The following RAET1E variants were observed in gnomAD, a reference collection of about 807,000 sequenced individuals.
RAET1E encodes the protein retinoic acid early transcript 1E.
RAET1E carries 27 observed loss-of-function variants against 21.1 expected under a neutral mutation model. That is an observed-to-expected ratio of 1.28 (90% confidence interval 0.94 to 1.76). The LOEUF is 1.76. Among genes scored for constraint, RAET1E ranks in the 40% most tolerant of loss-of-function variants. The pLI is 0.00. For synonymous variants in RAET1E, 113 were observed against 115.0 expected, an observed-to-expected ratio of 0.98 and a Z score of 0.11; for missense variants, 310 against 311.3, an observed-to-expected ratio of 1.00 and a Z score of 0.03.
chr6:149,890,287 G>A (rs1777829610), intron 3 of RAET1E, 142 bp from the exon 4 acceptor site: 1 of 817,962 alleles, frequency 1.2e-6, no homozygotes, highest in Non-Finnish European at 1.9e-6. Flanking sequence ...CAACCTTCTG[G>A]ATCCCTGTTC....
chr6:149,892,400 C>G (rs887212645), intron 2 of RAET1E, among the ~76,000 whole-genome samples: 4 of 152,258 alleles, frequency 2.6e-5, no homozygotes, highest in Non-Finnish European at 5.9e-5. Context: ...GAACGTCATT[C>G]TAACTGGCGT....
At position 149,885,104 on chromosome 6, in the gene RAET1E, T is replaced by A. The variant is rs1777551056; in HGVS notation, c.*3394A>T. 3.3e-5 allele frequency among the ~76,000 whole-genome samples: 5 copies of A among 152,164 alleles called. No individual in the cohort carries two copies. The South Asian group carries it at 1.0e-3, about 32-fold the overall frequency. The stretch of plus-strand genomic sequence containing the variant: ...AGACCCCTCAACCTTTGGCATGTGA[T>A]ATACTTTCCCATGGTCAGATGGTCA... On this transcript the variant is annotated 3_prime_UTR_variant, in exon 6 of 6. Transcript: ENST00000357183.
intron 3 of RAET1E, 71 bp downstream of exon 3, chr6:149,890,746 C>T: frequency 1.9e-6 from 2 of 1,025,734 alleles, no homozygotes; most frequent in Non-Finnish European, 3.1e-6. Context: ...TGCATGAAGC[C>T]CCATTCGCCT....
rs3036672 is a variant in RAET1E at position 149,888,669 on chromosome 6, T to TAAAAAAAAA, written c.623-11_623-3dup. The stretch of plus-strand genomic sequence containing the variant: ...TATCTGAAGCATTTACTGGTGACAC[T>TAAAAAAAAA]AAAAAAAAAAAAAAAAAGAAAAAAA... On this transcript the variant is annotated splice_polypyrimidine_tract_variant and splice_region_variant and intron_variant, in intron 5 of 5. Coordinates refer to ENST00000357183, the MANE Select transcript of RAET1E (RefSeq NM_001394057.1). The TAAAAAAAAA allele has an allele frequency of 6.4e-4, 854 of 1,337,756 alleles. 5 individuals carry two copies. Among genetic ancestry groups the TAAAAAAAAA allele is most frequent in the Admixed American group, 3.3e-3 (88 of 26,768 alleles). The allele number at this position is 1,337,756 out of a possible 1,614,324, so 82.9% of individuals were successfully genotyped here.
intron 2 of RAET1E, among the ~76,000 whole-genome samples, chr6:149,892,506 C>A (rs1490580618): frequency 6.6e-6 from 1 of 152,194 alleles, no homozygotes; most frequent in Non-Finnish European, 1.5e-5. Context: ...TAAATATCTT[C>A]TTTGGAGAAG....
chr6:149,897,280 C>G (rs1778152053), intron 1 of RAET1E, among the ~76,000 whole-genome samples: 1 of 152,138 alleles, frequency 6.6e-6, no homozygotes, highest in East Asian at 1.9e-4. Flanking sequence ...AACAATCCTC[C>G]CCCCTCAGCC....
Position 149,890,130 on chromosome 6 carries a change from CAA to C in RAET1E, c.99_100del (p.Cys34LeufsTer17). The C allele has an allele frequency of 1.2e-6, 2 of 1,614,108 alleles. No homozygotes were observed. The highest frequency in any genetic ancestry group is 1.7e-6 in the Non-Finnish European group (2 of 1,179,988). On this transcript the variant is annotated frameshift_variant, in exon 4 of 6. Coordinates refer to ENST00000357183, the MANE Select transcript of RAET1E (RefSeq NM_001394057.1). LOFTEE classifies it high-confidence loss of function. ...CAATGATTTTATAGTGAAGTTGAAG[CAA>C]AGAGAGTGACCACCTGTGAGACAAA...
intron 1 of RAET1E, among the ~76,000 whole-genome samples, chr6:149,896,738 A>G (rs934229539): frequency 1.3e-5 from 2 of 151,628 alleles, no homozygotes; most frequent in Non-Finnish European, 2.9e-5. Context: ...CAGGGCCAAT[A>G]TTTTCTACAA....
rs1777685707 is a variant in RAET1E at position 149,888,070 on chromosome 6, T to G, written c.*428A>C. The G allele has an allele frequency of 2.3e-6, 1 of 427,270 alleles. No homozygotes were observed. Among genetic ancestry groups the G allele is most frequent in the Non-Finnish European group, 4.6e-6 (1 of 215,216 alleles). 26.5% of individuals were successfully genotyped at this position (427,270 alleles called of 1,614,324 possible). ...TGTAGGATGTAGTTCGGCACTGTAA[T>G]GTTTAGAGGGTGGTGAAAGGATTTC... On this transcript the variant is annotated 3_prime_UTR_variant, in exon 6 of 6. Transcript: ENST00000357183.
At chr6:149,896,776 C>T (rs1017547557) in intron 1 of RAET1E, among the ~76,000 whole-genome samples, 1 of 151,990 alleles carries the variant, frequency 6.6e-6, no homozygotes, top group African/African-American at 2.4e-5. Flanking sequence ...AAGGAGCACA[C>T]CAGGCCTATA....
intron 2 of RAET1E, among the ~76,000 whole-genome samples, chr6:149,894,671 C>T (rs571609643): frequency 1.3e-5 from 2 of 152,030 alleles, no homozygotes; most frequent in East Asian, 1.9e-4. Context: ...ATTAGCAATT[C>T]GACTAACCTT....
Position 149,889,353 on chromosome 6 carries a change from G to C in RAET1E, c.617C>G (p.Pro206Arg). Reference sequence around the variant, plus strand: ...CTCCCACCCAGCTCAGTTACCTGTCGGTTCTGGCATTGCCTCCCAGTGCCC... The same window carrying C: ...CTCCCACCCAGCTCAGTTACCTGTCCGTTCTGGCATTGCCTCCCAGTGCCC... ...FLGHWEAMPEPTVSPVNASDI... is the reference protein window; with the variant it reads ...FLGHWEAMPERTVSPVNASDI... The change falls in exon 5 of 6, where the codon CCG (proline) becomes CGG (arginine). Residue 206 changes from proline (P) to arginine (R), a missense_variant. Transcript: ENST00000357183. The C allele has an allele frequency of 6.2e-7, 1 of 1,613,980 alleles. No homozygotes were observed. Among genetic ancestry groups the C allele is most frequent in the South Asian group, 1.1e-5 (1 of 91,072 alleles).
chr6:149,890,053 G>A lies in RAET1E; in HGVS notation c.178C>T (p.Leu60Phe). The A allele has an allele frequency of 6.2e-7, 1 of 1,614,134 alleles. No individual in the cohort carries two copies. Among genetic ancestry groups the A allele is most frequent in the East Asian group, 2.2e-5 (1 of 44,874 alleles). The change falls in exon 4 of 6, where the codon CTT becomes TTT. Residue 60 changes from leucine (L) to phenylalanine (F), a missense_variant. By Grantham distance (22) the Leu-to-Phe change is conservative. Transcript: ENST00000357183. ...CEAQVFLNKN[L>F]FLQYNSDNNM... ...TTGTCACTGTTGTACTGAAGGAAAA[G>A]ATTTTTATTCAAGAAGACCTGCGCT...
rs994419157 is a variant in RAET1E at position 149,884,280 on chromosome 6, A to G, written c.*4218T>C. On this transcript the variant is annotated 3_prime_UTR_variant, in exon 6 of 6. Transcript: ENST00000357183. Reference sequence around the variant, plus strand: ...GATGTGAGCTGCTGTGCCCAGCCCTATCTTTTAAAAAATATGTACTGAAAA... The same window carrying G: ...GATGTGAGCTGCTGTGCCCAGCCCTGTCTTTTAAAAAATATGTACTGAAAA... The G allele has an allele frequency of 5.4e-6, 3 of 552,892 alleles. No individual in the cohort carries two copies. The African/African-American group carries it at 5.7e-5, about 10-fold the overall frequency. The allele number at this position is 552,892 out of a possible 1,614,324, so 34.2% of individuals were successfully genotyped here.
chr6:149,895,331 CAT>C (rs1428650187), intron 2 of RAET1E: 1 of 152,330 alleles, frequency 6.6e-6, no homozygotes, highest in Non-Finnish European at 1.5e-5. Flanking sequence ...CAGGCGGGGA[CAT>C]TTAAGTCTGC....
chr6:149,891,484 T>TTGTGTG (rs58899076), intron 2 of RAET1E, among the ~76,000 whole-genome samples: 31,380 of 149,810 alleles, frequency 0.21, 3,564 homozygotes, highest in East Asian at 0.33. Flanking sequence ...CAGATGGGTT[T>TTGTGTG]TGTGTGTGTG....
Position 149,890,955 on chromosome 6 carries a change from G to T in RAET1E, c.-54C>A. 1 of 1,236,788 alleles carries T rather than the reference G, an allele frequency of 8.1e-7. No individual in the cohort carries two copies. The highest frequency in any genetic ancestry group is 1.2e-6 in the Non-Finnish European group (1 of 840,956). The allele number at this position is 1,236,788 out of a possible 1,614,324, so 76.6% of individuals were successfully genotyped here. A position where few individuals can be genotyped will look rare whatever the true frequency, so the allele number is the denominator to read the frequency against. ...GGCGTGTACACATTCACCCTCACTG[G>T]TATGGTGAAGAAATGTTATCCAACA... On this transcript the variant is annotated 5_prime_UTR_variant, in exon 3 of 6. Coordinates refer to ENST00000357183, the MANE Select transcript of RAET1E (RefSeq NM_001394057.1).
chr6:149,888,391 TG>T lies in RAET1E; in HGVS notation c.*106del. On this transcript the variant is annotated 3_prime_UTR_variant, in exon 6 of 6. Transcript: ENST00000357183. ...GTGCTGCCAGCCCTGCTGTGTAGTGTGGGGGCTCAAGACTAAGGCAGTGCAC... is the reference window on the plus strand; with the variant it reads ...GTGCTGCCAGCCCTGCTGTGTAGTGTGGGGCTCAAGACTAAGGCAGTGCAC... 7.5e-7 allele frequency: 1 copy of T among 1,340,520 alleles called. No individual in the cohort carries two copies. Among genetic ancestry groups the T allele is most frequent in the Non-Finnish European group, 1.0e-6 (1 of 959,572 alleles). The allele number at this position is 1,340,520 out of a possible 1,614,324, so 83.0% of individuals were successfully genotyped here. A position where few individuals can be genotyped will look rare whatever the true frequency, so the allele number is the denominator to read the frequency against.
chr6:149,886,922 C>T lies in RAET1E; in HGVS notation c.*1576G>A, dbSNP rs1219452593. Among the ~76,000 whole-genome samples, 1 of 152,220 alleles carries T rather than the reference C, an allele frequency of 6.6e-6. No individual in the cohort carries two copies. The highest frequency in any genetic ancestry group is 6.5e-5 in the Admixed American group (1 of 15,288). Reference sequence around the variant, plus strand: ...CCCTGGGTGCTGCTCTTCCCCGTGACAGAGAAATCCATGCGACACAGTGGG... The same window carrying T: ...CCCTGGGTGCTGCTCTTCCCCGTGATAGAGAAATCCATGCGACACAGTGGG... On this transcript the variant is annotated 3_prime_UTR_variant, in exon 6 of 6. Coordinates refer to ENST00000357183, the MANE Select transcript of RAET1E (RefSeq NM_001394057.1).
Sources: gnomAD v4.1 joint callset for allele counts (sites outside exome capture counted in the v4.1 genomes callset) on GRCh38, gnomAD v4.1.1 for gene constraint, MANE v1.5 for transcripts, NCBI Gene and HGNC (gene_info 2026-07-23, HGNC 2026-07-21) for gene names.